The following TBL2 variants were observed in gnomAD, a reference collection of about 807,000 sequenced individuals.
TBL2 encodes transducin beta-like protein 2.
In TBL2, 33 loss-of-function variants were observed where a neutral mutation model predicts 41.8. That is an observed-to-expected ratio of 0.79 (90% CI 0.60 to 1.06). TBL2 has a LOEUF of 1.06. Among genes scored for constraint, TBL2 ranks in the 50% least tolerant of loss-of-function variants. TBL2 has a pLI of 0.00. For synonymous variants in TBL2, 239 were observed against 241.7 expected (o/e 0.99, Z 0.10); for missense variants, 522 against 603.8 (o/e 0.86, Z 1.42).
intron 2 of TBL2, 72 bp from the exon 3 acceptor site, chr7:73,574,194 G>A: frequency 1.3e-6 from 2 of 1,578,482 alleles, no homozygotes; most frequent in Non-Finnish European, 1.7e-6. Context: ...CTGGAGCCGG[G>A]GAGATGGGGC....
In TBL2 at chr7:73,572,949, G is replaced by T. The variant is rs1398858721; in HGVS notation, c.620C>A (p.Ser207Tyr). The T allele has an allele frequency of 6.8e-6, 11 of 1,614,050 alleles. No homozygotes were observed. Among genetic ancestry groups the T allele is most frequent in the Non-Finnish European group, 9.3e-6 (11 of 1,180,034 alleles). ...CCAGATGAGGACAGTGGTGTCACTG[G>T]AGGCAGTCATGATAAACTTCCCTGA... ...ANTGKFIMTASSDTTVLIWSL... is the reference protein window; with the variant it reads ...ANTGKFIMTAYSDTTVLIWSL... The change falls in exon 5 of 7, where the codon TCC (serine) becomes TAC (tyrosine). Residue 207 changes from serine (S) to tyrosine (Y), a missense_variant. Physicochemically the swap from Ser to Tyr is moderately radical, Grantham distance 144 (BLOSUM62 -2). Coordinates refer to ENST00000305632, the MANE Select transcript of TBL2 (RefSeq NM_012453.4).
intron 4 of TBL2, 167 bp from the exon 5 acceptor site, chr7:73,573,137 C>T (rs1309619762): frequency 1.4e-5 from 19 of 1,360,194 alleles, no homozygotes; most frequent in Non-Finnish European, 1.8e-5. Flanking sequence ...TCCCCACCTT[C>T]CCTAGGGACC....
At position 73,568,132 on chromosome 7, in the gene TBL2, AG is replaced by A. The variant is rs1792719273; in HGVS notation, c.*2374del. Among the ~76,000 whole-genome samples, 1 of 152,194 alleles carries A rather than the reference AG, an allele frequency of 6.6e-6. No individual in the cohort carries two copies. Among genetic ancestry groups the A allele is most frequent in the South Asian group, 2.1e-4 (1 of 4,828 alleles). ...ACCACAATGGAGACTGGGAGTGGGAAGATGCGCGGAGAAGATACTGGGAGGT... is the reference window on the plus strand; with the variant it reads ...ACCACAATGGAGACTGGGAGTGGGAAATGCGCGGAGAAGATACTGGGAGGT... On this transcript the variant is annotated 3_prime_UTR_variant, in exon 7 of 7. Coordinates refer to ENST00000305632, the MANE Select transcript of TBL2 (RefSeq NM_012453.4).
rs1276614090 is a variant in TBL2 at position 73,568,370 on chromosome 7, TTTAG to T, written c.*2133_*2136del. 1.3e-5 allele frequency among the ~76,000 whole-genome samples: 2 copies of T among 152,050 alleles called. No homozygotes were observed. Among genetic ancestry groups the T allele is most frequent in the Non-Finnish European group, 2.9e-5 (2 of 67,992 alleles). On this transcript the variant is annotated 3_prime_UTR_variant, in exon 7 of 7. Coordinates refer to ENST00000305632, the MANE Select transcript of TBL2 (RefSeq NM_012453.4). ...AGTGTTTTGTTTGGTCCAGATAGTGTTTAGTTATTTAAGTTGCTCACTTCTAGCT... is the reference window on the plus strand; with the variant it reads ...AGTGTTTTGTTTGGTCCAGATAGTGTTTATTTAAGTTGCTCACTTCTAGCT...
chr7:73,573,003 C>T (rs200274525), intron 4 of TBL2, 33 bp from the exon 5 acceptor site: 1,326 of 1,613,178 alleles, frequency 8.2e-4, no homozygotes, highest in Non-Finnish European at 1.1e-3. Context: ...GGGTCACGGG[C>T]AGTGACCTGA....
Position 73,570,338 on chromosome 7 carries a change from G to C in TBL2, c.*169C>G, listed in dbSNP as rs1188288612. 5 of 1,232,144 alleles carry C rather than the reference G, an allele frequency of 4.1e-6. No homozygotes were observed. The highest frequency in any genetic ancestry group is 4.3e-6 in the Non-Finnish European group (4 of 932,280). 76.3% of individuals were successfully genotyped at this position (1,232,144 alleles called of 1,614,324 possible). ...GGAGGAGTCACAGCCAGCAAGAAGA[G>C]AGAGACCTAAGTAGACAAGAGTAGT... On this transcript the variant is annotated 3_prime_UTR_variant, in exon 7 of 7. Coordinates refer to ENST00000305632, the MANE Select transcript of TBL2 (RefSeq NM_012453.4).
At position 73,570,489 on chromosome 7, in the gene TBL2, C is replaced by T. The variant is rs546142792; in HGVS notation, c.*18G>A. The T allele has an allele frequency of 1.7e-5, 25 of 1,496,850 alleles. No homozygotes were observed. The highest frequency in any genetic ancestry group is 5.4e-5 in the South Asian group (4 of 74,428). 92.7% of individuals were successfully genotyped at this position (1,496,850 alleles called of 1,614,324 possible). ...CAGATCCCTCCTCCTCAATCCTCTGCGCCGGGCCCTCCCAGAGTCACTTCT... is the reference window on the plus strand; with the variant it reads ...CAGATCCCTCCTCCTCAATCCTCTGTGCCGGGCCCTCCCAGAGTCACTTCT... On this transcript the variant is annotated 3_prime_UTR_variant, in exon 7 of 7. Coordinates refer to ENST00000305632, the MANE Select transcript of TBL2 (RefSeq NM_012453.4).
At position 73,570,907 on chromosome 7, in the gene TBL2, T is replaced by C; in HGVS notation, c.944A>G (p.Lys315Arg). Residue 315 changes from lysine to arginine, a missense_variant, in exon 7 of 7, where the codon AAG (lysine) becomes AGG (arginine). Transcript: ENST00000305632. ...LWDTDVEYKK[K>R]QDPYLLKTGR... is the part of the protein sequence containing the mutation. ...TGTCTTCAGCAAGTAGGGGTCCTGC[T>C]TCTTCTTGTATTCCACATCTGTGTC... 2 of 1,613,796 alleles carry C rather than the reference T, an allele frequency of 1.2e-6. No homozygotes were observed. Among genetic ancestry groups the C allele is most frequent in the Non-Finnish European group, 1.7e-6 (2 of 1,179,936 alleles).
chr7:73,573,448 T>C lies in TBL2; in HGVS notation c.470A>G (p.Asn157Ser), dbSNP rs782789926. 6 of 1,614,028 alleles carry C rather than the reference T, an allele frequency of 3.7e-6. No individual in the cohort carries two copies. The highest frequency in any genetic ancestry group is 3.3e-5 in the Admixed American group (2 of 59,998). The change falls in exon 4 of 7, where the codon AAC becomes AGC. Residue 157 changes from asparagine (N) to serine (S), a missense_variant. Transcript: ENST00000305632. Reference protein sequence around the residue: ...DCRAFIVWLANGDTLRVFKMT... With the variant: ...DCRAFIVWLASGDTLRVFKMT... ...CTTGAAGACACGGAGGGTGTCCCCG[T>C]TGGCCAGCCAGACGATGAAGGCTCT...
In TBL2 at chr7:73,570,958, G is replaced by C; in HGVS notation, c.893C>G (p.Ser298Cys). The C allele has an allele frequency of 1.2e-6, 2 of 1,602,788 alleles. No homozygotes were observed. Among genetic ancestry groups the C allele is most frequent in the South Asian group, 2.2e-5 (2 of 89,824 alleles). Residue 298 changes from serine (S) to cysteine (C), a missense_variant, in exon 7 of 7, where the codon TCC (serine) becomes TGC (cysteine). Physicochemically the swap from Ser to Cys is moderately radical, Grantham distance 112. Transcript: ENST00000305632. ...CCACAGTTTCCATGTACCATCCTTGGAGACAGAAGCCATCCTGCAACACAG... is the reference window on the plus strand; with the variant it reads ...CCACAGTTTCCATGTACCATCCTTGCAGACAGAAGCCATCCTGCAACACAG... Reference protein sequence around the residue: ...SNDSRRMASVSKDGTWKLWDT... With the variant: ...SNDSRRMASVCKDGTWKLWDT...
chr7:73,576,764 C>T, intron 1 of TBL2: 1 of 454,826 alleles, frequency 2.2e-6, no homozygotes, highest in Non-Finnish European at 4.4e-6. Context: ...GTCTAACAAG[C>T]CCCCCTCCTC....
intron 4 of TBL2, 116 bp downstream of exon 4, chr7:73,573,204 C>T: frequency 6.8e-7 from 1 of 1,478,094 alleles, no homozygotes; most frequent in South Asian, 1.3e-5. Context: ...GAGCCAGGGA[C>T]CCCTTGTTCC....
intron 5 of TBL2, among the ~76,000 whole-genome samples, 193 bp downstream of exon 5, chr7:73,572,651 T>C (rs1793030882): frequency 6.6e-6 from 1 of 151,888 alleles, no homozygotes; most frequent in South Asian, 2.1e-4. Flanking sequence ...GATGAAGAAA[T>C]AGCGACTAAG....
rs782668054 is a variant in TBL2 at position 73,570,189 on chromosome 7, C to A, written c.*318G>T. ...CTTTGGGTGTGAGGATGTGCTGCCA[C>A]AAGGCCAAAAATCACATTCTCTCTC... On this transcript the variant is annotated 3_prime_UTR_variant, in exon 7 of 7. Transcript: ENST00000305632. 5.0e-4 allele frequency: 135 copies of A among 269,734 alleles called. No individual in the cohort carries two copies. The highest frequency in any genetic ancestry group is 6.0e-4 in the Non-Finnish European group (86 of 143,398). The allele number at this position is 269,734 out of a possible 1,614,324, so 16.7% of individuals were successfully genotyped here.
At chr7:73,571,377 T>A in intron 5 of TBL2, 36 bp from the exon 6 acceptor site, 1 of 1,613,308 alleles carries the variant, frequency 6.2e-7, no homozygotes, top group South Asian at 1.1e-5. Context: ...AAACTTCATT[T>A]TCGGAGCATG....
intron 3 of TBL2, 67 bp from the exon 4 acceptor site, chr7:73,573,538 G>A: frequency 1.9e-6 from 3 of 1,594,212 alleles, no homozygotes; most frequent in Non-Finnish European, 2.6e-6. Context: ...CAGGTCCTGT[G>A]CTGGGTTCTC....
chr7:73,571,956 G>GCC (rs1792985654), intron 5 of TBL2: 2 of 159,150 alleles, frequency 1.3e-5, no homozygotes, highest in East Asian at 3.8e-4. Context: ...AGCTACTTGG[G>GCC]GGAGGCTGAG....
rs782810895 is a variant in TBL2, at chr7:73,570,921, C to T, written c.930G>A (p.Val310=). 1.3e-4 allele frequency: 204 copies of T among 1,613,360 alleles called. 3 individuals carry two copies. The South Asian group carries it at 2.1e-3, about 17-fold the overall frequency. ...AGGGGTCCTGCTTCTTCTTGTATTC[C>T]ACATCTGTGTCCCACAGTTTCCATG... is the stretch of plus-strand genomic sequence containing the variant. The part of the protein sequence containing the change: ...DGTWKLWDTD[V]EYKKKQDPYL... Residue 310 remains valine (V), a synonymous_variant, in exon 7 of 7, where the codon GTG becomes GTA. Transcript: ENST00000305632.
At position 73,573,734 on chromosome 7, in the gene TBL2, G is replaced by A. The variant is rs1242765381; in HGVS notation, c.446+204C>T. On this transcript the variant is annotated intron_variant, in intron 3 of 6. Transcript: ENST00000305632. ...GCCAAGGTATTTCCAGGTAGGAAGAGACCTCCCCCTGTTTCCTTGCTGTAT... is the reference window on the plus strand; with the variant it reads ...GCCAAGGTATTTCCAGGTAGGAAGAAACCTCCCCCTGTTTCCTTGCTGTAT... The A allele has an allele frequency of 5.2e-6, 4 of 762,146 alleles. No homozygotes were observed. In the African/African-American group the frequency reaches 7.1e-5, roughly 13 times the overall value. The allele number at this position is 762,146 out of a possible 1,614,324, so 47.2% of individuals were successfully genotyped here. A position where few individuals can be genotyped will look rare whatever the true frequency, so the allele number is the denominator to read the frequency against.
Sources: allele counts gnomAD v4.1 joint callset (sites outside exome capture counted in the v4.1 genomes callset), GRCh38; gene constraint gnomAD v4.1.1; transcripts MANE v1.5; gene names NCBI Gene and HGNC (gene_info 2026-07-23, HGNC 2026-07-21).